The following EVA1A variants were observed in gnomAD, a reference collection of about 807,000 sequenced individuals.
The protein encoded by EVA1A is protein eva-1 homolog A.
EVA1A carries 7 observed loss-of-function variants against 9.8 expected under a neutral mutation model. The ratio of observed to expected loss-of-function variants is 0.71; its 90% CI spans 0.41 to 1.34. The LOEUF (loss-of-function observed/expected upper bound fraction) is 1.34. EVA1A is among the 40% of genes most tolerant of loss of function. EVA1A has a pLI of 0.01. For synonymous variants in EVA1A, 90 were observed against 85.6 expected, an observed-to-expected ratio of 1.05 and a Z score of -0.28; for missense variants, 206 against 205.9, an observed-to-expected ratio of 1.00 and a Z score of 0.00.
intron 1 of EVA1A, among the ~76,000 whole-genome samples, chr2:75,555,898 G>T (rs1676695313): frequency 6.6e-6 from 1 of 152,124 alleles, no homozygotes; most frequent in Admixed American, 6.5e-5. Flanking sequence ...CCGCTTACAC[G>T]TTAAGGCCAA....
At chr2:75,534,098 G>T (rs1675785579) in intron 1 of EVA1A, among the ~76,000 whole-genome samples, 1 of 152,036 alleles carries the variant, frequency 6.6e-6, no homozygotes, top group African/African-American at 2.4e-5. Flanking sequence ...ACTTAGCAGG[G>T]CATGGTGGCA....
At chr2:75,511,260 C>T (rs1460986689) in intron 3 of EVA1A, among the ~76,000 whole-genome samples, 1 of 152,146 alleles carries the variant, frequency 6.6e-6, no homozygotes, top group Non-Finnish European at 1.5e-5. Flanking sequence ...TTTACACATA[C>T]TTTGTTCCCA....
chr2:75,503,426 G>T (rs1030304054), intron 3 of EVA1A, among the ~76,000 whole-genome samples: 2 of 152,102 alleles, frequency 1.3e-5, no homozygotes, highest in African/African-American at 2.4e-5. Flanking sequence ...CTTGTTTCCT[G>T]CAGGGTCATT....
At chr2:75,540,235 T>G (rs1264001110) in intron 1 of EVA1A, among the ~76,000 whole-genome samples, 1 of 152,244 alleles carries the variant, frequency 6.6e-6, no homozygotes, top group Admixed American at 6.5e-5. Flanking sequence ...GCTTGTAAGA[T>G]ACCTGGCACA....
chr2:75,530,710 C>T (rs1300240917), intron 1 of EVA1A, among the ~76,000 whole-genome samples: 1 of 152,030 alleles, frequency 6.6e-6, no homozygotes, highest in African/African-American at 2.4e-5. Context: ...CATCTCTTTA[C>T]GATTAAAACC....
At chr2:75,527,227 C>A (rs927973057) in intron 1 of EVA1A, among the ~76,000 whole-genome samples, 1 of 152,218 alleles carries the variant, frequency 6.6e-6, no homozygotes, top group Admixed American at 6.5e-5. Context: ...ATAGCCTAGA[C>A]TTTCACCCTT....
intron 3 of EVA1A, among the ~76,000 whole-genome samples, chr2:75,516,629 C>A (rs972155609): frequency 6.6e-6 from 1 of 152,208 alleles, no homozygotes. Context: ...TTGCCAGGTA[C>A]CTCCTGTGCT....
chr2:75,499,653 T>C lies in EVA1A; in HGVS notation c.86-6044A>G, dbSNP rs186957652. Among the ~76,000 whole-genome samples, 284 of 152,308 alleles carry C rather than the reference T, an allele frequency of 1.9e-3. 6 individuals carry two copies. The highest frequency in any genetic ancestry group is 6.6e-3 in the African/African-American group (275 of 41,572). On this transcript the variant is annotated intron_variant, in intron 3 of 3. Transcript: ENST00000393913. Reference sequence around the variant, plus strand: ...TCCTCTGAAAGAGACTTGACTCTGCTTCAGAAATCTGCTCCCAATTGCTAA... The same window carrying C: ...TCCTCTGAAAGAGACTTGACTCTGCCTCAGAAATCTGCTCCCAATTGCTAA...
chr2:75,532,572 T>C (rs1558684370), intron 1 of EVA1A, among the ~76,000 whole-genome samples: 1 of 152,070 alleles, frequency 6.6e-6, no homozygotes, highest in Non-Finnish European at 1.5e-5. Context: ...AATTACTTAG[T>C]TGAACTACAG....
At chr2:75,511,912 A>G (rs1315690255) in intron 3 of EVA1A, among the ~76,000 whole-genome samples, 4 of 152,170 alleles carry the variant, frequency 2.6e-5, no homozygotes, top group Non-Finnish European at 5.9e-5. Flanking sequence ...GTAAGGTGAT[A>G]AGGAGGAAAG....
intron 1 of EVA1A, among the ~76,000 whole-genome samples, chr2:75,554,173 C>A (rs1676621204): frequency 6.6e-6 from 1 of 152,272 alleles, no homozygotes; most frequent in South Asian, 2.1e-4. Context: ...TACCACCAGC[C>A]CCATCTGAAT....
At chr2:75,517,826 C>T (rs1675069325) in intron 3 of EVA1A, 1 of 725,908 alleles carries the variant, frequency 1.4e-6, no homozygotes, top group Non-Finnish European at 2.5e-6. Context: ...AGCAGCTAAA[C>T]ATTTTCTGCA....
At chr2:75,555,818 G>A (rs1222669998) in intron 1 of EVA1A, among the ~76,000 whole-genome samples, 1 of 152,104 alleles carries the variant, frequency 6.6e-6, no homozygotes, top group Admixed American at 6.5e-5. Flanking sequence ...GCCCTTTCTT[G>A]ACTCTTACAC....
At chr2:75,549,008 A>ATAT (rs1215292675) in intron 1 of EVA1A, among the ~76,000 whole-genome samples, 2 of 85,380 alleles carry the variant, frequency 2.3e-5, no homozygotes, top group South Asian at 3.9e-4. Flanking sequence ...ATATATATAT[A>ATAT]TTTTTTTTTT....
chr2:75,551,394 CA>C (rs1676518579), intron 1 of EVA1A, among the ~76,000 whole-genome samples: 1 of 152,212 alleles, frequency 6.6e-6, no homozygotes, highest in Non-Finnish European at 1.5e-5. Context: ...AATCCGTGAA[CA>C]TTTCAGATCT....
At chr2:75,494,413 G>C (rs1674135420) in intron 3 of EVA1A, among the ~76,000 whole-genome samples, 1 of 152,194 alleles carries the variant, frequency 6.6e-6, no homozygotes, top group Non-Finnish European at 1.5e-5. Context: ...TCTAAGATTA[G>C]GTTACATAAG....
chr2:75,517,698 G>A (rs556481818), intron 3 of EVA1A: 3 of 672,410 alleles, frequency 4.5e-6, no homozygotes, highest in African/African-American at 1.8e-5. Context: ...CAGCCTGTGT[G>A]AGGTTAACTG....
chr2:75,515,713 C>T (rs1023785386), intron 3 of EVA1A, among the ~76,000 whole-genome samples: 1 of 152,140 alleles, frequency 6.6e-6, no homozygotes, highest in African/African-American at 2.4e-5. Context: ...TTTATATAAA[C>T]CGTATCTGTT....
chr2:75,565,089 C>T (rs934037366), upstream of EVA1A, among the ~76,000 whole-genome samples: 22 of 152,260 alleles, frequency 1.4e-4, no homozygotes, highest in Non-Finnish European at 2.8e-4. Flanking sequence ...CTATGTAACC[C>T]GTGTGTCTAT....
Sources: gnomAD v4.1 joint callset for allele counts (sites outside exome capture counted in the v4.1 genomes callset) on GRCh38, gnomAD v4.1.1 for gene constraint, MANE v1.5 for transcripts, NCBI Gene and HGNC (gene_info 2026-07-23, HGNC 2026-07-21) for gene names.